Variants in GRK3 observed in about 807,000 individuals in gnomAD.
The protein encoded by GRK3 is G protein-coupled receptor kinase 3.
Under a neutral mutation model 95.7 loss-of-function variants are expected in GRK3, and 54 were observed. The observed-to-expected ratio is 0.56, with a 90% CI of 0.45 to 0.71. GRK3 has a LOEUF of 0.71. Ranked by LOEUF, GRK3 falls within the 30% of genes least tolerant of loss-of-function variation. The pLI, the probability that GRK3 is intolerant of heterozygous loss-of-function variation, is 0.00. For synonymous variants in GRK3, 281 were observed against 290.8 expected (o/e 0.97, Z 0.34); for missense variants, 649 against 851.2 (o/e 0.76, Z 2.96).
intron 2 of GRK3, among the ~76,000 whole-genome samples, chr22:25,635,954 T>A (rs947909200): frequency 6.6e-6 from 1 of 152,206 alleles, no homozygotes; most frequent in South Asian, 2.1e-4. Context: ...TTTATATCAG[T>A]ATGCACTCAT....
intron 1 of GRK3, among the ~76,000 whole-genome samples, chr22:25,578,619 G>A (rs1401156904): frequency 1.3e-5 from 2 of 152,174 alleles, no homozygotes; most frequent in Non-Finnish European, 2.9e-5. Context: ...GAGGCGGAGA[G>A]TTGGTGTCAG....
chr22:25,584,225 T>C (rs7287283), intron 1 of GRK3, among the ~76,000 whole-genome samples: 12,565 of 147,968 alleles, frequency 0.085, 579 homozygotes, highest in Middle Eastern at 0.15. Flanking sequence ...TTCAGTTGTC[T>C]GGAGTCAATT....
chr22:25,636,448 T>C (rs1423628548), intron 2 of GRK3, among the ~76,000 whole-genome samples: 1 of 152,252 alleles, frequency 6.6e-6, no homozygotes, highest in East Asian at 1.9e-4. Context: ...AAGCCTCTTA[T>C]TATCCTCAAT....
chr22:25,633,869 G>A (rs998754462), intron 2 of GRK3, among the ~76,000 whole-genome samples: 1 of 151,924 alleles, frequency 6.6e-6, no homozygotes, highest in Non-Finnish European at 1.5e-5. Context: ...TGATTATTAG[G>A]GCTTTTTATT....
chr22:25,676,988 A>T (rs1469840563), intron 8 of GRK3, among the ~76,000 whole-genome samples: 1 of 152,130 alleles, frequency 6.6e-6, no homozygotes, highest in Non-Finnish European at 1.5e-5. Context: ...ATACCTTCTA[A>T]ACAGAGGCCC....
intron 8 of GRK3, among the ~76,000 whole-genome samples, chr22:25,676,677 C>T (rs1053195590): frequency 1.4e-5 from 2 of 145,876 alleles, no homozygotes; most frequent in Admixed American, 6.7e-5. Flanking sequence ...AGTGACAGAG[C>T]GAGACTCAGT....
intron 1 of GRK3, among the ~76,000 whole-genome samples, chr22:25,576,334 C>T (rs1284879428): frequency 1.3e-5 from 2 of 152,202 alleles, no homozygotes; most frequent in East Asian, 3.9e-4. Flanking sequence ...TACCTGAAAT[C>T]CCTGACTACA....
At chr22:25,655,497 G>A (rs2084864051) in intron 3 of GRK3, among the ~76,000 whole-genome samples, 1 of 152,098 alleles carries the variant, frequency 6.6e-6, no homozygotes, top group African/African-American at 2.4e-5. Flanking sequence ...AGCTATTTCC[G>A]TCTTCTGTGA....
At chr22:25,707,376 A>G (rs2085308065) in intron 15 of GRK3, among the ~76,000 whole-genome samples, 1 of 152,358 alleles carries the variant, frequency 6.6e-6, no homozygotes, top group Non-Finnish European at 1.5e-5. Context: ...GCACAAGGAT[A>G]TGCTCTGACT....
intron 3 of GRK3, among the ~76,000 whole-genome samples, chr22:25,651,675 A>G (rs897625979): frequency 5.3e-5 from 8 of 152,372 alleles, no homozygotes; most frequent in Admixed American, 2.6e-4. Context: ...CTGATCAGGA[A>G]AGTAAGCCAG....
At chr22:25,702,760 T>C in intron 13 of GRK3, 1 of 455,766 alleles carries the variant, frequency 2.2e-6, no homozygotes, top group Non-Finnish European at 4.4e-6. Flanking sequence ...ACTGCCATTG[T>C]CTTGGCTACT....
Position 25,685,150 on chromosome 22 carries a change from CTT to C in GRK3, c.748-17_748-16del, listed in dbSNP as rs1252824542. On this transcript the variant is annotated intron_variant, in intron 9 of 20. Coordinates refer to ENST00000324198, the MANE Select transcript of GRK3 (RefSeq NM_005160.4). Reference sequence around the variant, plus strand: ...AGGCAGCTTTTGCTCTTCTTATAAACTTTTATTGTTTCACTCTAGGACTGTCC... The same window carrying C: ...AGGCAGCTTTTGCTCTTCTTATAAACTTATTGTTTCACTCTAGGACTGTCC... The C allele has an allele frequency of 2.5e-6, 4 of 1,578,760 alleles. No individual in the cohort carries two copies. Among genetic ancestry groups the C allele is most frequent in the South Asian group, 1.1e-5 (1 of 89,318 alleles).
chr22:25,573,025 C>T (rs993595335), intron 1 of GRK3, among the ~76,000 whole-genome samples: 3 of 152,140 alleles, frequency 2.0e-5, no homozygotes, highest in African/African-American at 7.2e-5. Context: ...TCTTGTATTA[C>T]CTTCTGTGCA....
At chr22:25,580,028 GT>G (rs200616221) in intron 1 of GRK3, among the ~76,000 whole-genome samples, 2,983 of 152,266 alleles carry the variant, frequency 0.02, 44 homozygotes, top group Non-Finnish European at 0.028. Context: ...GGCAATATAA[GT>G]ACCAAAACCA....
chr22:25,578,768 T>G (rs902256765), intron 1 of GRK3, among the ~76,000 whole-genome samples: 9 of 152,112 alleles, frequency 5.9e-5, no homozygotes, highest in Non-Finnish European at 7.4e-5. Context: ...ACAGCCTCCA[T>G]GTGAGACCGC....
chr22:25,574,236 G>A (rs778340687), intron 1 of GRK3, among the ~76,000 whole-genome samples: 6 of 152,144 alleles, frequency 3.9e-5, no homozygotes, highest in Non-Finnish European at 7.3e-5. Flanking sequence ...GCTCACGCCT[G>A]CACTTTGGGA....
chr22:25,574,730 A>G (rs1180279533), intron 1 of GRK3, among the ~76,000 whole-genome samples: 1 of 152,192 alleles, frequency 6.6e-6, no homozygotes, highest in Admixed American at 6.5e-5. Context: ...ACACATCTTT[A>G]ACCTGGTCCT....
chr22:25,685,251 A>G lies in GRK3; in HGVS notation c.826+3A>G. 3 of 1,609,348 alleles carry G rather than the reference A, an allele frequency of 1.9e-6. No homozygotes were observed. The highest frequency in any genetic ancestry group is 2.6e-6 in the Non-Finnish European group (3 of 1,175,670). Reference sequence around the variant, plus strand: ...CTTCATCCTGGATCTGATGAACGGTAAGCAAAACTTGGAAAATCTGAATGC... The same window carrying G: ...CTTCATCCTGGATCTGATGAACGGTGAGCAAAACTTGGAAAATCTGAATGC... On this transcript the variant is annotated splice_donor_region_variant and intron_variant, in intron 10 of 20. Transcript: ENST00000324198.
intron 14 of GRK3, 38 bp downstream of exon 14, chr22:25,703,614 AAT>A: frequency 7.1e-7 from 1 of 1,407,068 alleles, no homozygotes; most frequent in South Asian, 1.2e-5. Context: ...TCTGTATGGT[AAT>A]TGTCATGCTT....
Sources: gnomAD v4.1 joint callset for allele counts (sites outside exome capture counted in the v4.1 genomes callset) on GRCh38, gnomAD v4.1.1 for gene constraint, MANE v1.5 for transcripts, NCBI Gene and HGNC (gene_info 2026-07-23, HGNC 2026-07-21) for gene names.